The following FHAD1 variants were observed in gnomAD, a reference collection of about 807,000 sequenced individuals.
FHAD1 encodes forkhead associated phosphopeptide binding domain 1, also known as forkhead-associated domain-containing protein 1.
FHAD1 carries 146 observed loss-of-function variants against 191.3 expected under a neutral mutation model. The ratio of observed to expected loss-of-function variants is 0.76; its 90% CI spans 0.67 to 0.88. The LOEUF (loss-of-function observed/expected upper bound fraction) is 0.88. FHAD1 is among the 40% of genes least tolerant of loss of function. The pLI, the probability that FHAD1 is intolerant of heterozygous loss-of-function variation, is 0.00. For synonymous variants in FHAD1, 616 were observed against 672.3 expected, an observed-to-expected ratio of 0.92 and a Z score of 1.29; for missense variants, 1,635 against 1,785.8, an observed-to-expected ratio of 0.92 and a Z score of 1.52.
rs779616398 is a variant in FHAD1 at position 15,272,536 on chromosome 1, C to T, written c.300+7C>T. The T allele has an allele frequency of 6.5e-7, 1 of 1,540,130 alleles. No homozygotes were observed. ...CATTGAAAATCCACCTCCGGTGAGTCCGGGCCACTGGGGGATAGAGGGGCC... is the reference window on the plus strand; with the variant it reads ...CATTGAAAATCCACCTCCGGTGAGTTCGGGCCACTGGGGGATAGAGGGGCC... On this transcript the variant is annotated splice_region_variant and intron_variant, in intron 3 of 33. Transcript: ENST00000688493.
rs181303096 is a variant in FHAD1 at position 15,293,619 on chromosome 1, G to A, written c.569-3065G>A. On this transcript the variant is annotated intron_variant, in intron 4 of 33. Transcript: ENST00000688493. ...TGTAATCCCAGCTACTCAGGAGGCT[G>A]AGGCAGGAGAATCGCTTGAACCCGG... Among the ~76,000 whole-genome samples, 326 of 152,316 alleles carry A rather than the reference G, an allele frequency of 2.1e-3. 1 individual carries two copies. The highest frequency in any genetic ancestry group is 6.8e-3 in the Middle Eastern group (2 of 294).
Position 15,264,548 on chromosome 1 carries a change from ATGTG to A in FHAD1, c.94-7748_94-7745del, listed in dbSNP as rs71572146. Among the ~76,000 whole-genome samples, 356 of 147,328 alleles carry A rather than the reference ATGTG, an allele frequency of 2.4e-3. 1 individual carries two copies. The highest frequency in any genetic ancestry group is 6.7e-3 in the African/African-American group (265 of 39,496). ...TATGAATTCAGTGTTATATGTATAT[ATGTG>A]TGTGTGTGTGTGTGTGTGTGTGTGT... On this transcript the variant is annotated intron_variant, in intron 2 of 33. Transcript: ENST00000688493.
chr1:15,349,128 C>A lies in FHAD1; in HGVS notation c.2433C>A (p.Asn811Lys), dbSNP rs1256661544. ...AGAGAAAAGTTCAGGATCTGGAGAA[C>A]CATTTAACCCAACAGAAGGAGGTAT... ...SEKRKVQDLENHLTQQKEISE... is the reference protein window; with the variant it reads ...SEKRKVQDLEKHLTQQKEISE... Residue 811 changes from asparagine (N) to lysine (K), a missense_variant, in exon 19 of 34, where the codon AAC becomes AAA. Asn to Lys is a moderately conservative substitution (Grantham distance 94). Transcript: ENST00000688493. 7.7e-6 allele frequency: 12 copies of A among 1,551,190 alleles called. No individual in the cohort carries two copies. Among genetic ancestry groups the A allele is most frequent in the Non-Finnish European group, 1.0e-5 (12 of 1,146,696 alleles).
At chr1:15,335,765 C>A (rs1683801709) in intron 14 of FHAD1, among the ~76,000 whole-genome samples, 1 of 152,112 alleles carries the variant, frequency 6.6e-6, no homozygotes, top group South Asian at 2.1e-4. Context: ...CTTGTTCCTT[C>A]CCCCAAAGAG....
chr1:15,333,663 C>T (rs1483386895), intron 14 of FHAD1, among the ~76,000 whole-genome samples: 3 of 152,036 alleles, frequency 2.0e-5, no homozygotes, highest in Non-Finnish European at 2.9e-5. Flanking sequence ...CTCCCAGGAG[C>T]TGCCTGCGTT....
At chr1:15,353,336 T>A (rs1018186406) in intron 20 of FHAD1, among the ~76,000 whole-genome samples, 2 of 152,102 alleles carry the variant, frequency 1.3e-5, no homozygotes, top group African/African-American at 2.4e-5. Flanking sequence ...ACTGTCTGAC[T>A]CCCCAATGCT....
intron 14 of FHAD1, among the ~76,000 whole-genome samples, chr1:15,338,379 G>T (rs945593158): frequency 1.3e-5 from 2 of 152,054 alleles, no homozygotes; most frequent in Non-Finnish European, 2.9e-5. Flanking sequence ...CAAAGCCAGC[G>T]ATGTGGCATC....
At position 15,360,532 on chromosome 1, in the gene FHAD1, G is replaced by C. The variant is rs1694452950; in HGVS notation, c.2791G>C (p.Asp931His). 1.3e-6 allele frequency: 2 copies of C among 1,551,840 alleles called. No individual in the cohort carries two copies. Among genetic ancestry groups the C allele is most frequent in the Admixed American group, 3.9e-5 (2 of 50,998 alleles). The change falls in exon 22 of 34, where the codon GAT (aspartate) becomes CAT (histidine). Residue 931 changes from aspartate to histidine, a missense_variant. Coordinates refer to ENST00000688493, the MANE Select transcript of FHAD1 (RefSeq NM_001391957.1). ...LQQKMVKALQ[D>H]EQESQRHGFE... is the part of the protein sequence containing the mutation. ...GCAGAAGATGGTAAAGGCCCTCCAGGATGAGCAGGAATCACAGAGACACGG... is the reference window on the plus strand; with the variant it reads ...GCAGAAGATGGTAAAGGCCCTCCAGCATGAGCAGGAATCACAGAGACACGG...
At chr1:15,391,361 G>C in intron 33 of FHAD1, 98 bp downstream of exon 33, 2 of 724,170 alleles carry the variant, frequency 2.8e-6, no homozygotes, top group South Asian at 1.6e-5. Context: ...TGTTGCCCAG[G>C]CTGGAGTGCA....
chr1:15,283,696 G>T (rs55637625), intron 3 of FHAD1, among the ~76,000 whole-genome samples: 5,505 of 152,236 alleles, frequency 0.036, 286 homozygotes, highest in African/African-American at 0.11. Flanking sequence ...CCTGGGGGGA[G>T]ACTGCAGTTC....
At chr1:15,306,149 G>A (rs1670428842) in intron 6 of FHAD1, among the ~76,000 whole-genome samples, 3 of 152,222 alleles carry the variant, frequency 2.0e-5, no homozygotes, top group Non-Finnish European at 2.9e-5. Context: ...GGGAACTGGA[G>A]CAAAGGTGAC....
At chr1:15,296,594 A>G (rs779161091) in intron 4 of FHAD1, 90 bp from the exon 5 acceptor site, 2 of 1,159,210 alleles carry the variant, frequency 1.7e-6, no homozygotes, top group South Asian at 2.6e-5. Flanking sequence ...TCTGGGGGGA[A>G]ACAAACAGGA....
intron 5 of FHAD1, among the ~76,000 whole-genome samples, chr1:15,298,715 G>T (rs908668145): frequency 5.3e-5 from 8 of 152,148 alleles, no homozygotes; most frequent in African/African-American, 1.9e-4. Flanking sequence ...CTGCTTGATG[G>T]CAGAAGCTGC....
downstream of FHAD1, among the ~76,000 whole-genome samples, chr1:15,402,332 T>A (rs1707147053): frequency 6.6e-6 from 1 of 152,242 alleles, no homozygotes. Flanking sequence ...TTACTTTTTT[T>A]TAAAATTTTT....
At chr1:15,253,642 CATA>C (rs1175797245) in intron 2 of FHAD1, among the ~76,000 whole-genome samples, 3 of 152,164 alleles carry the variant, frequency 2.0e-5, no homozygotes, top group Non-Finnish European at 4.4e-5. Context: ...TATATAGAAA[CATA>C]ATTGATTTTA....
At chr1:15,263,078 CTTG>C (rs1360970325) in intron 2 of FHAD1, among the ~76,000 whole-genome samples, 5 of 152,166 alleles carry the variant, frequency 3.3e-5, no homozygotes, top group African/African-American at 7.2e-5. Flanking sequence ...TTCTCATATA[CTTG>C]TTGGCCATTT....
At chr1:15,268,128 A>G (rs896378131) in intron 2 of FHAD1, among the ~76,000 whole-genome samples, 1 of 147,620 alleles carries the variant, frequency 6.8e-6, no homozygotes, top group Non-Finnish European at 1.5e-5. Flanking sequence ...TATATCTCCT[A>G]AAGCTATCCC....
rs377284966 is a variant in FHAD1 at position 15,293,514 on chromosome 1, C to T, written c.569-3170C>T. On this transcript the variant is annotated intron_variant, in intron 4 of 33. Transcript: ENST00000688493. ...GAGGGCGAATCACAAGGTCGGGAGTCTGAGACCAGCCTGACTAACATGGTG... is the reference window on the plus strand; with the variant it reads ...GAGGGCGAATCACAAGGTCGGGAGTTTGAGACCAGCCTGACTAACATGGTG... 3.2e-3 allele frequency among the ~76,000 whole-genome samples: 484 copies of T among 152,158 alleles called. 5 individuals carry two copies. The highest frequency in any genetic ancestry group is 0.015 in the South Asian group (73 of 4,818).
intron 20 of FHAD1, among the ~76,000 whole-genome samples, chr1:15,357,625 C>CA (rs71000395): frequency 0.029 from 2,176 of 75,676 alleles, 81 homozygotes; most frequent in African/African-American, 0.08. Context: ...TCCTCCGTCT[C>CA]AAAAAAAAAA....
Sources: allele counts gnomAD v4.1 joint callset (sites outside exome capture counted in the v4.1 genomes callset), GRCh38; gene constraint gnomAD v4.1.1; transcripts MANE v1.5; gene names NCBI Gene and HGNC (gene_info 2026-07-23, HGNC 2026-07-21).